Variants in SLC24A3 observed in about 807,000 individuals in gnomAD.
The protein encoded by SLC24A3 is sodium/potassium/calcium exchanger 3.
In SLC24A3, 28 loss-of-function variants were observed where a neutral mutation model predicts 75.8. The observed-to-expected ratio is 0.37, with a 90% CI of 0.27 to 0.51. SLC24A3 has a LOEUF of 0.51. Among genes scored for constraint, SLC24A3 ranks in the 20% least tolerant of loss-of-function variants. SLC24A3 has a pLI of 0.94. For synonymous variants in SLC24A3, 372 were observed against 334.1 expected, an observed-to-expected ratio of 1.11 and a Z score of -1.24; for missense variants, 663 against 847.8, an observed-to-expected ratio of 0.78 and a Z score of 2.71.
chr20:19,290,720 A>G (rs6045961), intron 2 of SLC24A3, among the ~76,000 whole-genome samples: 9,192 of 152,170 alleles, frequency 0.06, 621 homozygotes, highest in African/African-American at 0.17. Flanking sequence ...CACCTCTTGC[A>G]TGGGTGGTCT....
chr20:19,713,037 A>G (rs769757875), intron 15 of SLC24A3, among the ~76,000 whole-genome samples: 15 of 152,216 alleles, frequency 9.9e-5, no homozygotes, highest in Non-Finnish European at 2.1e-4. Flanking sequence ...TTTGAGTTAC[A>G]TGGGTGTATG....
At chr20:19,248,211 G>A (rs1288994767) in intron 1 of SLC24A3, among the ~76,000 whole-genome samples, 1 of 152,194 alleles carries the variant, frequency 6.6e-6, no homozygotes, top group Non-Finnish European at 1.5e-5. Flanking sequence ...GGAGCCAGAT[G>A]TCAGAACCAA....
intron 1 of SLC24A3, among the ~76,000 whole-genome samples, chr20:19,252,215 G>T (rs1982678743): frequency 6.6e-6 from 1 of 152,180 alleles, no homozygotes; most frequent in African/African-American, 2.4e-5. Context: ...GTTAGCCAGA[G>T]CAAATGTTAC....
At chr20:19,395,636 AAAC>A (rs1190920122) in intron 2 of SLC24A3, among the ~76,000 whole-genome samples, 1 of 152,236 alleles carries the variant, frequency 6.6e-6, no homozygotes, top group Non-Finnish European at 1.5e-5. Flanking sequence ...TCTAGTAACT[AAAC>A]GCTGAAAATG....
intron 1 of SLC24A3, among the ~76,000 whole-genome samples, chr20:19,224,471 T>C (rs190899513): frequency 1.8e-3 from 269 of 152,330 alleles, no homozygotes; most frequent in African/African-American, 6.2e-3. Context: ...GCACTTTTAT[T>C]ACTGTCAGGT....
At chr20:19,639,705 G>C (rs989690920) in intron 6 of SLC24A3, among the ~76,000 whole-genome samples, 1 of 152,218 alleles carries the variant, frequency 6.6e-6, no homozygotes, top group Admixed American at 6.5e-5. Flanking sequence ...GGGAGGCTCC[G>C]GCCGCACAGG....
chr20:19,585,881 T>C (rs2031287440), intron 6 of SLC24A3, among the ~76,000 whole-genome samples: 1 of 152,212 alleles, frequency 6.6e-6, no homozygotes, highest in Admixed American at 6.5e-5. Context: ...AAAACAATTT[T>C]AGGTATGATT....
rs1268414483 is a variant in SLC24A3, at chr20:19,631,114, T to C, written c.613-22948T>C. 3.3e-5 allele frequency among the ~76,000 whole-genome samples: 5 copies of C among 152,074 alleles called. No individual in the cohort carries two copies. The East Asian group carries it at 7.7e-4, about 23-fold the overall frequency. On this transcript the variant is annotated intron_variant, in intron 6 of 16. Coordinates refer to ENST00000328041, the MANE Select transcript of SLC24A3 (RefSeq NM_020689.4). Reference sequence around the variant, plus strand: ...ATTGTAGCACTTTGGGAGGCTGAGGTGGACAGATCACTTGAGCCCAGGAGT... The same window carrying C: ...ATTGTAGCACTTTGGGAGGCTGAGGCGGACAGATCACTTGAGCCCAGGAGT...
At position 19,696,835 on chromosome 20, in the gene SLC24A3, C is replaced by T. The variant is rs2122141900; in HGVS notation, c.1530C>T (p.Val510=). The change falls in exon 14 of 17, where the codon GTC becomes GTT. Residue 510 remains valine, a synonymous_variant. Coordinates refer to ENST00000328041, the MANE Select transcript of SLC24A3 (RefSeq NM_020689.4). Reference sequence around the variant, plus strand: ...GTTACACCCTGGGGATTCCTGACGTCATCATGGGGATCACCTTCCTGGCTG... The same window carrying T: ...GTTACACCCTGGGGATTCCTGACGTTATCATGGGGATCACCTTCCTGGCTG... ...IIGYTLGIPD[V]IMGITFLAAG... 6.2e-7 allele frequency: 1 copy of T among 1,614,070 alleles called. No individual in the cohort carries two copies.
intron 1 of SLC24A3, among the ~76,000 whole-genome samples, chr20:19,241,549 G>T (rs937091650): frequency 6.6e-6 from 1 of 152,334 alleles, no homozygotes; most frequent in East Asian, 1.9e-4. Flanking sequence ...GCTCTGCCAG[G>T]TCTGAATTCT....
At chr20:19,585,399 C>G in intron 5 of SLC24A3, 42 bp from the exon 6 acceptor site, 1 of 1,586,324 alleles carries the variant, frequency 6.3e-7, no homozygotes, top group Non-Finnish European at 8.6e-7. Flanking sequence ...TGGAATGCAA[C>G]AGGGCCACAA....
At chr20:19,716,368 C>T (rs948558487) in intron 15 of SLC24A3, among the ~76,000 whole-genome samples, 2 of 151,672 alleles carry the variant, frequency 1.3e-5, no homozygotes, top group Non-Finnish European at 2.9e-5. Context: ...TAGCCACAAC[C>T]ACATGTGGCT....
chr20:19,241,100 C>A (rs1454259054), intron 1 of SLC24A3, among the ~76,000 whole-genome samples: 3 of 152,328 alleles, frequency 2.0e-5, no homozygotes, highest in Non-Finnish European at 4.4e-5. Flanking sequence ...TGCAGCCCTG[C>A]AGGGATCTTG....
intron 3 of SLC24A3, among the ~76,000 whole-genome samples, chr20:19,548,295 CG>C (rs2030635245): frequency 6.6e-6 from 1 of 152,162 alleles, no homozygotes; most frequent in Non-Finnish European, 1.5e-5. Flanking sequence ...GTAAGTTTTT[CG>C]TTTTCCCATA....
chr20:19,291,042 A>G (rs1280645395), intron 2 of SLC24A3, among the ~76,000 whole-genome samples: 1 of 152,092 alleles, frequency 6.6e-6, no homozygotes, highest in Non-Finnish European at 1.5e-5. Flanking sequence ...GCCTTGTCCT[A>G]TTTGTGGGTC....
At chr20:19,613,064 A>G (rs2031691776) in intron 6 of SLC24A3, among the ~76,000 whole-genome samples, 1 of 152,044 alleles carries the variant, frequency 6.6e-6, no homozygotes, top group African/African-American at 2.4e-5. Context: ...GACTTTCCAA[A>G]TGTCACCATC....
chr20:19,446,212 A>G (rs1209853203), intron 2 of SLC24A3, among the ~76,000 whole-genome samples: 3 of 152,222 alleles, frequency 2.0e-5, no homozygotes, highest in Non-Finnish European at 4.4e-5. Flanking sequence ...TTTAGAGGGC[A>G]ATGTATAATG....
chr20:19,325,814 AGAGAGAGAGAGAGAGAGAGAGAGAGG>A lies in SLC24A3; in HGVS notation c.271+44732_271+44757del, dbSNP rs1436563866. On this transcript the variant is annotated intron_variant, in intron 2 of 16. Transcript: ENST00000328041. ...TATATATAGAGAGAGAGAGAGAGAG[AGAGAGAGAGAGAGAGAGAGAGAGAGG>A]GAGACATCTGGAGGAGGGGGACCCA... 1.1e-3 allele frequency among the ~76,000 whole-genome samples: 126 copies of A among 113,256 alleles called. 2 individuals carry two copies. Among genetic ancestry groups the A allele is most frequent in the African/African-American group, 3.3e-3 (84 of 25,740 alleles). The allele number at this position is 113,256 out of a possible 152,430, so 74.3% of individuals were successfully genotyped here.
At chr20:19,354,461 T>C (rs1568597813) in intron 2 of SLC24A3, among the ~76,000 whole-genome samples, 2 of 152,130 alleles carry the variant, frequency 1.3e-5, no homozygotes, top group African/African-American at 4.8e-5. Context: ...TTGTACACTT[T>C]AAGTGGCTGC....
Sources: gnomAD v4.1 joint callset for allele counts (sites outside exome capture counted in the v4.1 genomes callset) on GRCh38, gnomAD v4.1.1 for gene constraint, MANE v1.5 for transcripts, NCBI Gene and HGNC (gene_info 2026-07-23, HGNC 2026-07-21) for gene names.